The following MEGF10 variants were observed in gnomAD, a reference collection of about 807,000 sequenced individuals.
MEGF10 encodes multiple EGF like domains 10.
MEGF10 carries 86 observed loss-of-function variants against 147.5 expected under a neutral mutation model. The observed-to-expected ratio is 0.58, with a 90% CI of 0.49 to 0.70. The LOEUF (loss-of-function observed/expected upper bound fraction) is 0.70, where lower values mean the gene tolerates loss of function less well. MEGF10 is among the 30% of genes least tolerant of loss of function. MEGF10 has a pLI of 0.00. For synonymous variants in MEGF10, 478 were observed against 525.5 expected (o/e 0.91, Z 1.24); for missense variants, 1,329 against 1,487.3 (o/e 0.89, Z 1.75).
intron 6 of MEGF10, among the ~76,000 whole-genome samples, chr5:127,397,789 A>C (rs757857278): frequency 1.8e-4 from 28 of 152,212 alleles, no homozygotes; most frequent in Non-Finnish European, 3.4e-4. Context: ...CCAGGAGAGC[A>C]GGAAAGACAA....
intron 8 of MEGF10, among the ~76,000 whole-genome samples, chr5:127,403,294 AT>A (rs1025512391): frequency 4.6e-5 from 7 of 151,740 alleles, no homozygotes; most frequent in African/African-American, 1.7e-4. Context: ...TAATTTTTTT[AT>A]TTTTATTTTT....
chr5:127,379,476 A>G (rs1215589535), intron 5 of MEGF10, among the ~76,000 whole-genome samples: 1 of 151,108 alleles, frequency 6.6e-6, no homozygotes, highest in Middle Eastern at 3.2e-3. Context: ...AGGATATCAC[A>G]CTGCTCAGTC....
At chr5:127,437,624 T>C (rs1765604292) in intron 16 of MEGF10, among the ~76,000 whole-genome samples, 2 of 152,228 alleles carry the variant, frequency 1.3e-5, no homozygotes, top group African/African-American at 4.8e-5. Context: ...GATCTTATGC[T>C]ATTATTTCAC....
At chr5:127,318,667 A>G (rs557836211) in intron 1 of MEGF10, among the ~76,000 whole-genome samples, 1 of 152,118 alleles carries the variant, frequency 6.6e-6, no homozygotes, top group South Asian at 2.1e-4. Context: ...ACTTAAACAT[A>G]AAAAAAATAG....
the MEGF10 span, among the ~76,000 whole-genome samples, chr5:127,235,251 A>AG: frequency 9.0e-6 from 1 of 110,894 alleles, no homozygotes; most frequent in South Asian, 2.7e-4. Flanking sequence ...CCTTAAATTC[A>AG]AATACCCAAG....
chr5:127,300,504 G>C (rs1318642856), intron 1 of MEGF10, among the ~76,000 whole-genome samples: 1 of 152,182 alleles, frequency 6.6e-6, no homozygotes, highest in Non-Finnish European at 1.5e-5. Flanking sequence ...AAGGGCTTCT[G>C]GGATGCTGAC....
Position 127,398,567 on chromosome 5 carries a change from A to G in MEGF10, c.660-109A>G, listed in dbSNP as rs988021222. On this transcript the variant is annotated intron_variant, in intron 6 of 24. Transcript: ENST00000503335. ...TTGATGTTAATTAATTAAATGAACA[A>G]TTATTGAACACAGAAAGCTTGTCTA... 37 of 1,293,178 alleles carry G rather than the reference A, an allele frequency of 2.9e-5. No homozygotes were observed. The East Asian group carries it at 8.2e-4, about 28-fold the overall frequency. 80.1% of individuals were successfully genotyped at this position (1,293,178 alleles called of 1,614,324 possible).
chr5:127,399,721 A>G (rs1015980294), intron 7 of MEGF10, among the ~76,000 whole-genome samples: 2 of 151,926 alleles, frequency 1.3e-5, no homozygotes, highest in African/African-American at 4.8e-5. Context: ...TTTGCCTTCT[A>G]TTTTTCTAAT....
chr5:127,285,824 G>A (rs1759011148), upstream of MEGF10, among the ~76,000 whole-genome samples: 1 of 152,048 alleles, frequency 6.6e-6, no homozygotes, highest in African/African-American at 2.4e-5. Context: ...TTTAATCAAA[G>A]GAAGTGAAAT....
intron 5 of MEGF10, among the ~76,000 whole-genome samples, chr5:127,391,154 A>ACACACACG (rs1763676312): frequency 4.0e-5 from 1 of 25,120 alleles, no homozygotes; most frequent in African/African-American, 7.1e-5. Flanking sequence ...ACACACACAC[A>ACACACACG]TACATGCTTA....
At chr5:127,269,474 GAAGA>G in the MEGF10 span, among the ~76,000 whole-genome samples, 1 of 152,350 alleles carries the variant, frequency 6.6e-6, no homozygotes, top group East Asian at 1.9e-4. Flanking sequence ...TCATCAACTG[GAAGA>G]AAGGGTATCA....
chr5:127,406,165 G>T (rs1386795596), intron 8 of MEGF10, among the ~76,000 whole-genome samples: 1 of 152,112 alleles, frequency 6.6e-6, no homozygotes, highest in Non-Finnish European at 1.5e-5. Flanking sequence ...CAAATTAGAG[G>T]TAGCACAAGA....
upstream of MEGF10, among the ~76,000 whole-genome samples, chr5:127,289,648 T>C (rs1480454940): frequency 1.3e-5 from 2 of 152,150 alleles, no homozygotes. Flanking sequence ...GTAAAGAGGA[T>C]GGTGAGGGGC....
chr5:127,244,626 C>T, the MEGF10 span, among the ~76,000 whole-genome samples: 1 of 151,868 alleles, frequency 6.6e-6, no homozygotes, highest in Admixed American at 6.6e-5. Context: ...AAATGTCACC[C>T]CCCACCCCAC....
chr5:127,296,731 C>T (rs960159125), intron 1 of MEGF10, among the ~76,000 whole-genome samples: 17 of 152,086 alleles, frequency 1.1e-4, no homozygotes, highest in African/African-American at 3.9e-4. Context: ...AAAACTAAAA[C>T]ACACAAATTT....
the MEGF10 span, chr5:127,229,422 C>T: frequency 6.6e-6 from 1 of 151,790 alleles, no homozygotes; most frequent in East Asian, 2.0e-4. Context: ...CTCGTCCTCG[C>T]GCCGGCGACC....
chr5:127,374,015 C>CA (rs1463027253), intron 5 of MEGF10, among the ~76,000 whole-genome samples: 5 of 152,048 alleles, frequency 3.3e-5, no homozygotes, highest in African/African-American at 1.2e-4. Context: ...CACTCTGCTA[C>CA]AAAAAAGGGG....
At chr5:127,374,521 C>T (rs551348593) in intron 5 of MEGF10, among the ~76,000 whole-genome samples, 1 of 151,136 alleles carries the variant, frequency 6.6e-6, no homozygotes, top group Non-Finnish European at 1.5e-5. Context: ...ATAAAAAAAA[C>T]CCCTGTATTT....
chr5:127,435,318 A>G (rs1330753586), intron 15 of MEGF10, 43 bp from the exon 16 acceptor site: 1 of 1,608,620 alleles, frequency 6.2e-7, no homozygotes. Context: ...GTTCTGCGAG[A>G]GGGGTTTTGA....
Sources: gnomAD v4.1 joint callset for allele counts (sites outside exome capture counted in the v4.1 genomes callset) on GRCh38, gnomAD v4.1.1 for gene constraint, MANE v1.5 for transcripts, NCBI Gene and HGNC (gene_info 2026-07-23, HGNC 2026-07-21) for gene names.